Variants in KDM4C observed in about 807,000 individuals in gnomAD.
KDM4C encodes the protein lysine-specific demethylase 4C.
In KDM4C, 81 loss-of-function variants were observed where a neutral mutation model predicts 129.3. The ratio of observed to expected loss-of-function variants is 0.63; its 90% CI spans 0.52 to 0.75. The LOEUF (loss-of-function observed/expected upper bound fraction) is 0.75. Ranked by LOEUF, KDM4C falls within the 30% of genes least tolerant of loss-of-function variation. The pLI is 0.00. For missense variants in KDM4C, 1,457 were observed against 1,304.0 expected (o/e 1.12, Z -1.81); for synonymous variants, 573 against 456.1 (o/e 1.26, Z -3.26).
chr9:7,127,443 A>G (rs1360917585), intron 18 of KDM4C, among the ~76,000 whole-genome samples: 1 of 152,182 alleles, frequency 6.6e-6, no homozygotes. Context: ...AAAATGTATA[A>G]CCTGAATCTA....
chr9:6,964,687 C>T (rs1334612739), intron 8 of KDM4C, among the ~76,000 whole-genome samples: 1 of 147,932 alleles, frequency 6.8e-6, no homozygotes, highest in Non-Finnish European at 1.5e-5. Flanking sequence ...GAGGCTGAGG[C>T]AGGAGAATGG....
At chr9:6,890,875 C>T (rs1189065125) in intron 7 of KDM4C, among the ~76,000 whole-genome samples, 2 of 152,182 alleles carry the variant, frequency 1.3e-5, no homozygotes, top group East Asian at 1.9e-4. Flanking sequence ...TATGTTCTCA[C>T]GTGGCTCAGA....
chr9:6,942,559 C>G (rs1826155130), intron 8 of KDM4C: 1 of 152,020 alleles, frequency 6.6e-6, no homozygotes, highest in Non-Finnish European at 1.5e-5. Flanking sequence ...TGCTCTTCTG[C>G]TACCAGGATG....
Position 7,035,040 on chromosome 9 carries a change from C to T in KDM4C, c.2260-11822C>T, listed in dbSNP as rs7854058. Among the ~76,000 whole-genome samples the T allele has an allele frequency of 5.4e-3, 828 of 152,000 alleles. 13 individuals are homozygous for T. Among genetic ancestry groups the T allele is most frequent in the African/African-American group, 0.018 (745 of 41,480 alleles). ...TGTTTGTTTGTTTTTGAGACAGGGT[C>T]TCACTTCCATTGCCCAGGCTGGAGT... On this transcript the variant is annotated intron_variant, in intron 15 of 21. Transcript: ENST00000381309.
At chr9:6,974,448 C>G (rs1288193659) in intron 8 of KDM4C, among the ~76,000 whole-genome samples, 5 of 152,218 alleles carry the variant, frequency 3.3e-5, no homozygotes, top group African/African-American at 7.2e-5. Context: ...CAACCTACGC[C>G]TCTTGGGTTC....
At chr9:7,001,730 A>AT (rs1491341333) in intron 12 of KDM4C, among the ~76,000 whole-genome samples, 319 of 145,526 alleles carry the variant, frequency 2.2e-3, no homozygotes, top group Middle Eastern at 3.6e-3. Context: ...CAAAGCTGAC[A>AT]TCTTTTTTTT....
intron 1 of KDM4C, among the ~76,000 whole-genome samples, chr9:6,750,475 C>G (rs1818032771): frequency 6.6e-6 from 1 of 151,120 alleles, no homozygotes; most frequent in Admixed American, 6.6e-5. Context: ...GGCAAAAGCA[C>G]TTGAAGCGAA....
At chr9:6,955,119 T>A (rs1389863185) in intron 8 of KDM4C, among the ~76,000 whole-genome samples, 1 of 152,210 alleles carries the variant, frequency 6.6e-6, no homozygotes, top group African/African-American at 2.4e-5. Flanking sequence ...TGCTGGTTAC[T>A]GGATGGTGAA....
chr9:6,782,769 T>C (rs1824645415), intron 1 of KDM4C, among the ~76,000 whole-genome samples: 1 of 152,158 alleles, frequency 6.6e-6, no homozygotes, highest in African/African-American at 2.4e-5. Flanking sequence ...GATAGCATCA[T>C]CAGTTTTGTG....
intron 8 of KDM4C, among the ~76,000 whole-genome samples, chr9:6,931,947 A>G (rs756086026): frequency 2.0e-5 from 3 of 152,254 alleles, no homozygotes; most frequent in Non-Finnish European, 2.9e-5. Flanking sequence ...AAGCAATAAT[A>G]TGGTCAGTGC....
At chr9:6,851,795 G>A (rs1838892975) in intron 5 of KDM4C, among the ~76,000 whole-genome samples, 1 of 152,140 alleles carries the variant, frequency 6.6e-6, no homozygotes, top group Non-Finnish European at 1.5e-5. Flanking sequence ...GAATATTCTG[G>A]TCAGGGCTAA....
chr9:6,867,840 C>T (rs963187873), intron 5 of KDM4C, among the ~76,000 whole-genome samples: 3 of 152,132 alleles, frequency 2.0e-5, no homozygotes, highest in Admixed American at 6.6e-5. Context: ...CCTGCACTTC[C>T]CCACTGTCTT....
intron 1 of KDM4C, among the ~76,000 whole-genome samples, chr9:6,741,444 TTACCCGGG>T (rs1436528127): frequency 1.3e-5 from 2 of 152,042 alleles, no homozygotes; most frequent in Non-Finnish European, 2.9e-5. Flanking sequence ...AATATTCTAT[TTACCCGGG>T]TACATGCTAT....
chr9:6,894,971 A>G (rs1846630186), intron 8 of KDM4C, among the ~76,000 whole-genome samples: 4 of 152,220 alleles, frequency 2.6e-5, no homozygotes. Flanking sequence ...TATTCAGTTT[A>G]GTAAGGGCTA....
intron 8 of KDM4C, among the ~76,000 whole-genome samples, chr9:6,958,656 G>C (rs1326718684): frequency 6.9e-6 from 1 of 145,514 alleles, no homozygotes; most frequent in Non-Finnish European, 1.5e-5. Context: ...TGGCTATAAT[G>C]TTAAAAATAC....
intron 17 of KDM4C, among the ~76,000 whole-genome samples, chr9:7,100,601 A>G (rs1421855143): frequency 2.0e-5 from 3 of 152,120 alleles, no homozygotes; most frequent in African/African-American, 7.2e-5. Context: ...CAGCCTCCCA[A>G]AGTACTGGGA....
intron 1 of KDM4C, among the ~76,000 whole-genome samples, chr9:6,776,265 A>T (rs1823013493): frequency 6.6e-6 from 1 of 151,816 alleles, no homozygotes; most frequent in African/African-American, 2.4e-5. Context: ...CGCTCAACAC[A>T]TCTTTCTTTC....
chr9:7,022,552 T>C (rs1402194672), intron 15 of KDM4C, among the ~76,000 whole-genome samples: 1 of 152,160 alleles, frequency 6.6e-6, no homozygotes, highest in Non-Finnish European at 1.5e-5. Context: ...GGTGGAGTCT[T>C]CCAGTTTTTT....
chr9:6,720,865 G>A (rs1013821697), exon 1 of KDM4C: 1 of 1,214,696 alleles, frequency 8.2e-7, no homozygotes, highest in African/African-American at 1.5e-5. Flanking sequence ...CTCCACAGAT[G>A]GCTGACATGA....
Sources: gnomAD v4.1 joint callset for allele counts (sites outside exome capture counted in the v4.1 genomes callset) on GRCh38, gnomAD v4.1.1 for gene constraint, MANE v1.5 for transcripts, NCBI Gene and HGNC (gene_info 2026-07-23, HGNC 2026-07-21) for gene names.